GOLM2: variants seen among roughly 807,000 people sequenced by gnomAD.
GOLM2 encodes the protein protein GOLM2.
A neutral mutation model predicts 55.9 loss-of-function variants in GOLM2; 26 were observed. That is an observed-to-expected ratio of 0.47 (90% CI 0.34 to 0.65). The LOEUF (loss-of-function observed/expected upper bound fraction) is 0.65. Ranked by LOEUF, GOLM2 falls within the 30% of genes least tolerant of loss-of-function variation. The probability of loss-of-function intolerance (pLI) is 0.01; values close to 1 mark genes in which losing one functional copy is unlikely to be tolerated. For synonymous variants in GOLM2, 165 were observed against 194.6 expected (o/e 0.85, Z 1.27); for missense variants, 486 against 531.8 (o/e 0.91, Z 0.85).
rs117927885 is a variant in GOLM2 at position 44,384,197 on chromosome 15, C to T, written c.1072+3221C>T. Among the ~76,000 whole-genome samples the T allele has an allele frequency of 5.1e-4, 78 of 152,222 alleles. No homozygotes were observed. The East Asian group carries it at 0.013, about 25-fold the overall frequency. On this transcript the variant is annotated intron_variant, in intron 8 of 9. Coordinates refer to ENST00000299957, the MANE Select transcript of GOLM2 (RefSeq NM_138423.4). ...TGTACAAACTATCACCACTCTAGTT[C>T]CAGAATATTTTCATCACCCTGAAAC...
intron 1 of GOLM2, among the ~76,000 whole-genome samples, chr15:44,317,849 C>T (rs573460173): frequency 6.6e-6 from 1 of 152,306 alleles, no homozygotes; most frequent in African/African-American, 2.4e-5. Context: ...TATTCTTACT[C>T]ATCTAGTCAC....
chr15:44,367,211 CTTT>C (rs757974081), intron 6 of GOLM2, among the ~76,000 whole-genome samples: 1 of 130,506 alleles, frequency 7.7e-6, no homozygotes, highest in Admixed American at 7.7e-5. Context: ...CTGTCTGGCC[CTTT>C]TTTTTTTTTT....
At chr15:44,308,162 A>G (rs2078851266) in intron 1 of GOLM2, 1 of 152,210 alleles carries the variant, frequency 6.6e-6, no homozygotes, top group Non-Finnish European at 1.5e-5. Context: ...ATCTATTTCT[A>G]GAACTTTTTC....
chr15:44,412,041 C>G (rs2079642087), intron 9 of GOLM2, among the ~76,000 whole-genome samples: 1 of 151,974 alleles, frequency 6.6e-6, no homozygotes, highest in Non-Finnish European at 1.5e-5. Flanking sequence ...TGGCGTGCAC[C>G]TGTGGTCCCA....
At position 44,384,323 on chromosome 15, in the gene GOLM2, A is replaced by T. The variant is rs182387986; in HGVS notation, c.1072+3347A>T. ...AATTCTGGATATTTCATATAAAAGGAATCATACGGCCAGGCGCGGTGGCTC... is the reference window on the plus strand; with the variant it reads ...AATTCTGGATATTTCATATAAAAGGTATCATACGGCCAGGCGCGGTGGCTC... On this transcript the variant is annotated intron_variant, in intron 8 of 9. Coordinates refer to ENST00000299957, the MANE Select transcript of GOLM2 (RefSeq NM_138423.4). Among the ~76,000 whole-genome samples, 38 of 152,210 alleles carry T rather than the reference A, an allele frequency of 2.5e-4. No individual in the cohort carries two copies. The East Asian group carries it at 7.4e-3, about 29-fold the overall frequency.
chr15:44,387,995 G>A (rs960178125), intron 8 of GOLM2, among the ~76,000 whole-genome samples: 1 of 151,152 alleles, frequency 6.6e-6, no homozygotes, highest in African/African-American at 2.4e-5. Context: ...TTGAGACGGA[G>A]TCTTGCTCTG....
intron 6 of GOLM2, among the ~76,000 whole-genome samples, chr15:44,358,849 G>A: frequency 6.6e-6 from 1 of 152,140 alleles, no homozygotes; most frequent in East Asian, 1.9e-4. Context: ...TGATGAGCTG[G>A]ACTTCATTAA....
chr15:44,303,031 A>T (rs957505549), intron 1 of GOLM2, among the ~76,000 whole-genome samples: 4 of 152,100 alleles, frequency 2.6e-5, no homozygotes, highest in Admixed American at 1.3e-4. Flanking sequence ...TGAACCTGGG[A>T]GGCAGAGGTT....
At chr15:44,399,941 G>A (rs1285740679) in intron 8 of GOLM2, among the ~76,000 whole-genome samples, 2 of 150,872 alleles carry the variant, frequency 1.3e-5, no homozygotes, top group African/African-American at 2.4e-5. Flanking sequence ...GTTGCAGTGA[G>A]CTGATATCAG....
intron 8 of GOLM2, among the ~76,000 whole-genome samples, chr15:44,395,668 C>T (rs899414291): frequency 2.0e-5 from 3 of 151,698 alleles, no homozygotes. Flanking sequence ...GATGAAACCC[C>T]GTCTCTCCTA....
At chr15:44,333,840 C>T (rs767446382) in intron 4 of GOLM2, among the ~76,000 whole-genome samples, 50 of 151,984 alleles carry the variant, frequency 3.3e-4, no homozygotes, top group Non-Finnish European at 5.4e-4. Context: ...CTCAGCCTTC[C>T]GAGTAGCTGG....
rs1467738056 is a variant in GOLM2 at position 44,328,781 on chromosome 15, A to G, written c.479A>G (p.Tyr160Cys). The G allele has an allele frequency of 6.3e-7, 1 of 1,593,284 alleles. No individual in the cohort carries two copies. The highest frequency in any genetic ancestry group is 8.6e-7 in the Non-Finnish European group (1 of 1,168,508). Residue 160 changes from tyrosine (Y) to cysteine (C), a missense_variant, in exon 3 of 10, where the codon TAT (tyrosine) becomes TGT (cysteine). Tyr to Cys is a radical substitution (Grantham distance 194). Transcript: ENST00000299957. ...ACTTACCTTGTGAAGAGGTTAGAATATGAAAGGTAAGATGTTACATGCAAC... is the reference window on the plus strand; with the variant it reads ...ACTTACCTTGTGAAGAGGTTAGAATGTGAAAGGTAAGATGTTACATGCAAC... ...NNTYLVKRLE[Y>C]ESFQCGQQMK...
chr15:44,402,878 A>G lies in GOLM2; in HGVS notation c.1073-9A>G, dbSNP rs766495218. ...TTACTCTTGAATTAATCCTCTACCT[A>G]CTTCACAGGCCGATTCTTTGATGAA... On this transcript the variant is annotated splice_polypyrimidine_tract_variant and intron_variant, in intron 8 of 9. Coordinates refer to ENST00000299957, the MANE Select transcript of GOLM2 (RefSeq NM_138423.4). The G allele has an allele frequency of 3.3e-5, 53 of 1,613,006 alleles. No homozygotes were observed. The highest frequency in any genetic ancestry group is 4.4e-5 in the Non-Finnish European group (52 of 1,179,672).
intron 8 of GOLM2, among the ~76,000 whole-genome samples, chr15:44,394,021 A>T (rs1170997545): frequency 6.6e-6 from 1 of 152,140 alleles, no homozygotes; most frequent in Non-Finnish European, 1.5e-5. Flanking sequence ...AAGGGACTTT[A>T]ACATCTGTGG....
At chr15:44,385,113 G>C (rs985640354) in intron 8 of GOLM2, among the ~76,000 whole-genome samples, 1 of 151,898 alleles carries the variant, frequency 6.6e-6, no homozygotes, top group African/African-American at 2.4e-5. Flanking sequence ...TCTATATTTT[G>C]GCTATCGAAT....
intron 6 of GOLM2, among the ~76,000 whole-genome samples, chr15:44,348,078 G>A (rs1307064804): frequency 6.6e-6 from 1 of 152,042 alleles, no homozygotes; most frequent in South Asian, 2.1e-4. Context: ...AGATGCCATG[G>A]CCTTGAGTGA....
At chr15:44,302,766 C>T (rs1392588653) in intron 1 of GOLM2, among the ~76,000 whole-genome samples, 2 of 152,056 alleles carry the variant, frequency 1.3e-5, no homozygotes, top group African/African-American at 2.4e-5. Context: ...GTTGGGATTA[C>T]AAGCATGAGC....
rs1392124167 is a variant in GOLM2 at position 44,385,358 on chromosome 15, CCCTT to C, written c.1072+4386_1072+4389del. On this transcript the variant is annotated intron_variant, in intron 8 of 9. Transcript: ENST00000299957. ...TCCCTCCCTTCCTCCCTCCCTCCCT[CCCTT>C]CCTCCCTTCCTTCCTTCCCCCCGCC... 9.4e-3 allele frequency among the ~76,000 whole-genome samples: 1,287 copies of C among 136,544 alleles called. 25 individuals carry two copies. The highest frequency in any genetic ancestry group is 0.033 in the African/African-American group (1,232 of 37,036). 89.6% of individuals were successfully genotyped at this position (136,544 alleles called of 152,430 possible).
intron 6 of GOLM2, among the ~76,000 whole-genome samples, chr15:44,366,611 T>G (rs2079287288): frequency 6.6e-6 from 1 of 152,046 alleles, no homozygotes; most frequent in South Asian, 2.1e-4. Flanking sequence ...TCCAACTTGG[T>G]CAACAGAACG....
Sources: gnomAD v4.1 joint callset for allele counts (sites outside exome capture counted in the v4.1 genomes callset) on GRCh38, gnomAD v4.1.1 for gene constraint, MANE v1.5 for transcripts, NCBI Gene and HGNC (gene_info 2026-07-23, HGNC 2026-07-21) for gene names.